ALK: variants seen among roughly 807,000 people sequenced by gnomAD.
ALK encodes the protein ALK tyrosine kinase receptor.
ALK carries 74 observed loss-of-function variants against 163.1 expected under a neutral mutation model. The observed-to-expected ratio is 0.45, with a 90% CI of 0.38 to 0.55. The LOEUF is 0.55. Ranked by LOEUF, ALK falls within the 20% of genes least tolerant of loss-of-function variation. ALK has a pLI of 0.00. For missense variants in ALK, 2,063 were observed against 2,105.3 expected (o/e 0.98, Z 0.39); for synonymous variants, 960 against 843.2 (o/e 1.14, Z -2.40).
chr2:29,322,335 A>G (rs1197193595), intron 6 of ALK, among the ~76,000 whole-genome samples: 1 of 152,222 alleles, frequency 6.6e-6, no homozygotes, highest in African/African-American at 2.4e-5. Flanking sequence ...CTGACTTTGA[A>G]CATCTCTTCC....
intron 5 of ALK, among the ~76,000 whole-genome samples, chr2:29,356,155 T>C (rs1668240644): frequency 1.3e-5 from 2 of 152,180 alleles, no homozygotes; most frequent in South Asian, 4.1e-4. Context: ...CCTGGGCCCT[T>C]CTGATTGTGT....
rs4666269 is a variant in ALK at position 29,720,730 on chromosome 2, T to C, written c.668-3033A>G. 0.014 allele frequency among the ~76,000 whole-genome samples: 2,131 copies of C among 152,306 alleles called. 121 individuals carry two copies. The East Asian group carries it at 0.15, about 11-fold the overall frequency. On this transcript the variant is annotated intron_variant, in intron 1 of 28. Coordinates refer to ENST00000389048, the MANE Select transcript of ALK (RefSeq NM_004304.5). ...ACAAGTACAGGGTCAAGACACTGTCTGTTCCCATCAAGCTCTTTACCCTTG... is the reference window on the plus strand; with the variant it reads ...ACAAGTACAGGGTCAAGACACTGTCCGTTCCCATCAAGCTCTTTACCCTTG...
chr2:29,461,962 C>A (rs1671094871), intron 4 of ALK, among the ~76,000 whole-genome samples: 1 of 151,962 alleles, frequency 6.6e-6, no homozygotes, highest in Admixed American at 6.6e-5. Flanking sequence ...TCAACATGGA[C>A]AAGAGTTTAG....
At chr2:29,681,216 C>T (rs1431478070) in intron 3 of ALK, 1 of 152,174 alleles carries the variant, frequency 6.6e-6, no homozygotes, top group African/African-American at 2.4e-5. Context: ...TTAGTGCAGA[C>T]ACTTATCAGC....
intron 1 of ALK, among the ~76,000 whole-genome samples, chr2:29,876,091 A>G (rs1190831485): frequency 6.6e-6 from 1 of 152,086 alleles, no homozygotes; most frequent in Non-Finnish European, 1.5e-5. Flanking sequence ...TCTGTTATCT[A>G]CCCTGCCTTT....
intron 5 of ALK, among the ~76,000 whole-genome samples, chr2:29,335,041 G>A (rs1296563058): frequency 6.6e-6 from 1 of 152,136 alleles, no homozygotes; most frequent in East Asian, 1.9e-4. Context: ...TGAGGCCCCG[G>A]CTGGCCACAG....
chr2:29,574,830 C>T (rs908101236), intron 3 of ALK, among the ~76,000 whole-genome samples: 3 of 152,120 alleles, frequency 2.0e-5, no homozygotes, highest in African/African-American at 4.8e-5. Flanking sequence ...GAAAATGGGA[C>T]GCAGCACAGT....
At chr2:29,889,474 C>A (rs1016927514) in intron 1 of ALK, among the ~76,000 whole-genome samples, 16 of 151,792 alleles carry the variant, frequency 1.1e-4, no homozygotes, top group African/African-American at 3.9e-4. Context: ...GATCTATTTT[C>A]TTTAAAATGA....
intron 9 of ALK, among the ~76,000 whole-genome samples, chr2:29,290,711 G>A (rs1020639349): frequency 5.3e-5 from 8 of 152,218 alleles, no homozygotes; most frequent in Non-Finnish European, 1.2e-4. Flanking sequence ...TTTATGCCTT[G>A]GTTAGACTTG....
intron 24 of ALK, among the ~76,000 whole-genome samples, chr2:29,211,356 C>G (rs566547710): frequency 7.7e-6 from 1 of 129,560 alleles, no homozygotes; most frequent in African/African-American, 2.8e-5. Context: ...GCAAAGTAGA[C>G]CAGGAACAAT....
At chr2:29,661,899 C>A (rs1422339664) in intron 3 of ALK, among the ~76,000 whole-genome samples, 1 of 151,844 alleles carries the variant, frequency 6.6e-6, no homozygotes. Context: ...TTATGAATAT[C>A]TGTTTTGTTT....
intron 2 of ALK, among the ~76,000 whole-genome samples, chr2:29,712,821 T>G (rs544061448): frequency 6.8e-4 from 104 of 152,336 alleles, no homozygotes; most frequent in Middle Eastern, 6.8e-3. Context: ...AAAACTTTTA[T>G]TCAAATCTAA....
At chr2:29,875,210 T>C (rs1459681840) in intron 1 of ALK, among the ~76,000 whole-genome samples, 2 of 152,114 alleles carry the variant, frequency 1.3e-5, no homozygotes, top group East Asian at 3.8e-4. Context: ...TTCTGATACA[T>C]GCAAATAAAT....
intron 5 of ALK, among the ~76,000 whole-genome samples, chr2:29,338,150 CT>C (rs1667681222): frequency 6.6e-6 from 1 of 152,154 alleles, no homozygotes; most frequent in African/African-American, 2.4e-5. Context: ...CAGAGAGAAC[CT>C]TTGGGTGTCC....
intron 18 of ALK, 34 bp downstream of exon 18, chr2:29,226,888 G>A (rs2148178177): frequency 6.2e-7 from 1 of 1,613,204 alleles, no homozygotes; most frequent in Non-Finnish European, 8.5e-7. Context: ...TCAGGCTATG[G>A]GCCCCTCTGC....
chr2:29,420,559 A>C (rs1343149273), intron 4 of ALK, among the ~76,000 whole-genome samples: 1 of 151,444 alleles, frequency 6.6e-6, no homozygotes, highest in East Asian at 1.9e-4. Flanking sequence ...CAGCTGGTTC[A>C]AAGGAGGGAA....
chr2:29,479,328 G>T (rs1671604573), intron 4 of ALK, among the ~76,000 whole-genome samples: 1 of 152,210 alleles, frequency 6.6e-6, no homozygotes, highest in Non-Finnish European at 1.5e-5. Context: ...TTCATACACA[G>T]ATCTGTTGCC....
chr2:29,782,382 C>A (rs942729629), intron 1 of ALK, among the ~76,000 whole-genome samples: 1 of 152,166 alleles, frequency 6.6e-6, no homozygotes, highest in East Asian at 1.9e-4. Context: ...CCAAGCTGGT[C>A]AGCCCACTGG....
intron 3 of ALK, among the ~76,000 whole-genome samples, chr2:29,589,915 C>T (rs536734529): frequency 6.6e-6 from 1 of 152,194 alleles, no homozygotes; most frequent in Non-Finnish European, 1.5e-5. Context: ...ACAGTGAAGT[C>T]CCCTCTAGCA....
Sources: allele counts gnomAD v4.1 joint callset (sites outside exome capture counted in the v4.1 genomes callset), GRCh38; gene constraint gnomAD v4.1.1; transcripts MANE v1.5; gene names NCBI Gene and HGNC (gene_info 2026-07-23, HGNC 2026-07-21).